The following PCBP3 variants were observed in gnomAD, a reference collection of about 807,000 sequenced individuals.
PCBP3 encodes the protein poly(rC)-binding protein 3.
In PCBP3, 25 loss-of-function variants were observed where a neutral mutation model predicts 52.7. The ratio of observed to expected loss-of-function variants is 0.47; its 90% CI spans 0.35 to 0.66. The LOEUF is 0.66. PCBP3 is among the 30% of genes least tolerant of loss of function. PCBP3 has a pLI of 0.01. For missense variants in PCBP3, 391 were observed against 490.3 expected (o/e 0.80, Z 1.91); for synonymous variants, 162 against 183.0 (o/e 0.89, Z 0.93).
chr21:45,907,417 G>A (rs568259176), intron 9 of PCBP3, among the ~76,000 whole-genome samples: 1 of 152,336 alleles, frequency 6.6e-6, no homozygotes, highest in East Asian at 1.9e-4. Flanking sequence ...TTACCTCGAA[G>A]GGTAGAGACA....
intron 4 of PCBP3, among the ~76,000 whole-genome samples, chr21:45,846,031 C>T (rs1304452592): frequency 2.0e-5 from 3 of 152,214 alleles, no homozygotes; most frequent in Non-Finnish European, 2.9e-5. Context: ...AGCATTTCCA[C>T]GTGGAGATTC....
chr21:45,776,189 T>C (rs1436473195), intron 4 of PCBP3, among the ~76,000 whole-genome samples: 3 of 152,348 alleles, frequency 2.0e-5, no homozygotes, highest in South Asian at 2.1e-4. Context: ...ATAGTTGATA[T>C]ATGATTTTTA....
intron 4 of PCBP3, among the ~76,000 whole-genome samples, chr21:45,831,756 G>T (rs555582251): frequency 2.6e-4 from 40 of 152,282 alleles, no homozygotes; most frequent in African/African-American, 9.1e-4. Flanking sequence ...TGTCGCCCAG[G>T]CTGGAGTGCA....
At chr21:45,887,887 G>A (rs2095558629) in intron 5 of PCBP3, among the ~76,000 whole-genome samples, 1 of 152,210 alleles carries the variant, frequency 6.6e-6, no homozygotes, top group South Asian at 2.1e-4. Context: ...TAGATGTCTA[G>A]TACCAGCCCA....
At chr21:45,785,520 G>C (rs1046131792) in intron 4 of PCBP3, among the ~76,000 whole-genome samples, 1 of 143,942 alleles carries the variant, frequency 6.9e-6, no homozygotes, top group African/African-American at 2.6e-5. Flanking sequence ...GGGGGGGTCA[G>C]CCCCCCGCCC....
intron 5 of PCBP3, among the ~76,000 whole-genome samples, chr21:45,891,391 T>TC (rs2095659601): frequency 1.3e-5 from 2 of 152,250 alleles, no homozygotes; most frequent in South Asian, 4.1e-4. Context: ...GGTGGTTTTT[T>TC]CCCACGGTGG....
rs527712693 is a variant in PCBP3 at position 45,928,402 on chromosome 21, G to A, written c.718-1515G>A. ...GGCAGGGCTGGGGAGCAGGCCCCCC[G>A]ATCCTCCCAGGGTACTAGGTACTGA... On this transcript the variant is annotated intron_variant, in intron 13 of 17. Transcript: ENST00000681687. This position sits in a 1 kb window ranked among gnomAD's most constrained non-coding sequence, Gnocchi z 4.1. Among the ~76,000 whole-genome samples, 187 of 152,276 alleles carry A rather than the reference G, an allele frequency of 1.2e-3. 1 individual carries two copies. The highest frequency in any genetic ancestry group is 4.0e-3 in the African/African-American group (165 of 41,568).
intron 2 of PCBP3, among the ~76,000 whole-genome samples, chr21:45,719,229 G>A (rs1467532307): frequency 6.6e-6 from 1 of 152,146 alleles, no homozygotes; most frequent in Non-Finnish European, 1.5e-5. Flanking sequence ...AGGCAGTTTG[G>A]GAAGGGGCTT....
intron 13 of PCBP3, among the ~76,000 whole-genome samples, chr21:45,922,612 C>T (rs2074603230): frequency 6.6e-6 from 1 of 152,204 alleles, no homozygotes; most frequent in Non-Finnish European, 1.5e-5. Context: ...TTCCAGCTCT[C>T]CTAATCACTC....
At chr21:45,875,640 G>A (rs368050920) in intron 5 of PCBP3, among the ~76,000 whole-genome samples, 99 of 152,272 alleles carry the variant, frequency 6.5e-4, no homozygotes, top group African/African-American at 2.2e-3. Context: ...CCAGGGTGAC[G>A]TCCCTCCCTG....
chr21:45,717,863 C>A lies in PCBP3; in HGVS notation c.-199-17529C>A, dbSNP rs538522686. On this transcript the variant is annotated intron_variant, in intron 2 of 17. Coordinates refer to ENST00000681687, the MANE Select transcript of PCBP3 (RefSeq NM_001384156.1). ...CCTCATAAAATGAGTTGGGAAGTAT[C>A]CTTTTCTTGTCTGTAATTTTGAAAG... Among the ~76,000 whole-genome samples the A allele has an allele frequency of 2.0e-5, 3 of 152,236 alleles. No homozygotes were observed. The South Asian group carries it at 6.2e-4, about 32-fold the overall frequency.
At chr21:45,658,234 C>G (rs1461538235) in intron 1 of PCBP3, among the ~76,000 whole-genome samples, 1 of 152,136 alleles carries the variant, frequency 6.6e-6, no homozygotes, top group African/African-American at 2.4e-5. Context: ...ACTTTGAATT[C>G]CCTAGATAAA....
In PCBP3 at chr21:45,646,082, TTTC is replaced by T. The variant is rs2079246989; in HGVS notation, c.-279+2216_-279+2218del. ...CTCTCTCTCTCTCTCTCTCTCTCTC[TTTC>T]TCTCTCTCTCTCTCTCTCTCTCTGT... On this transcript the variant is annotated intron_variant, in intron 1 of 17. Coordinates refer to ENST00000681687, the MANE Select transcript of PCBP3 (RefSeq NM_001384156.1). 1.5e-3 allele frequency among the ~76,000 whole-genome samples: 171 copies of T among 114,932 alleles called. 1 individual carries two copies. The highest frequency in any genetic ancestry group is 2.1e-3 in the Non-Finnish European group (121 of 56,852). 75.4% of individuals were successfully genotyped at this position (114,932 alleles called of 152,430 possible). A position where few individuals can be genotyped will look rare whatever the true frequency, so the allele number is the denominator to read the frequency against.
intron 1 of PCBP3, among the ~76,000 whole-genome samples, chr21:45,644,196 TGAGGCTTCAGTTTCAAA>T (rs1005502353): frequency 1.3e-5 from 2 of 151,546 alleles, no homozygotes; most frequent in Admixed American, 1.3e-4. Flanking sequence ...CTGGACTACT[TGAGGCTTCAGTTTCAAA>T]ACGGCACAAA....
At chr21:45,646,013 A>T (rs1207430404) in intron 1 of PCBP3, among the ~76,000 whole-genome samples, 1 of 148,576 alleles carries the variant, frequency 6.7e-6, no homozygotes, top group East Asian at 2.0e-4. Flanking sequence ...GCAAGGCGTC[A>T]TGGGCCCGCT....
chr21:45,941,713 C>T lies in PCBP3; in HGVS notation c.*7C>T. On this transcript the variant is annotated 3_prime_UTR_variant, in exon 18 of 18. Coordinates refer to ENST00000681687, the MANE Select transcript of PCBP3 (RefSeq NM_001384156.1). ...CGGGATGGGCACGCTGTAATCCTAC[C>T]CAGCACCCTTCCCCCGCGTCACCCA... The T allele has an allele frequency of 6.2e-7, 1 of 1,601,702 alleles. No individual in the cohort carries two copies. The highest frequency in any genetic ancestry group is 8.5e-7 in the Non-Finnish European group (1 of 1,173,912).
intron 4 of PCBP3, among the ~76,000 whole-genome samples, chr21:45,797,977 GTAC>G (rs1569236700): frequency 4.7e-5 from 1 of 21,236 alleles, no homozygotes; most frequent in Admixed American, 5.4e-4. Flanking sequence ...GAATGGATGT[GTAC>G]ATGGATGAAC....
chr21:45,762,486 C>CTTTTTT (rs1401689005), intron 4 of PCBP3: 20 of 95,256 alleles, frequency 2.1e-4, no homozygotes, highest in African/African-American at 6.6e-4. Context: ...CTTTTCTTTT[C>CTTTTTT]TTCTCTTTTT....
intron 5 of PCBP3, among the ~76,000 whole-genome samples, chr21:45,878,785 G>A (rs1041448382): frequency 2.6e-5 from 4 of 152,162 alleles, no homozygotes; most frequent in Non-Finnish European, 4.4e-5. Flanking sequence ...CTCGACGTCC[G>A]TACTCAGCAT....
Sources: gnomAD v4.1 joint callset for allele counts (sites outside exome capture counted in the v4.1 genomes callset) on GRCh38, gnomAD v4.1.1 for gene constraint, Gnocchi (gnomAD v3.1) non-coding constraint, MANE v1.5 for transcripts, NCBI Gene and HGNC (gene_info 2026-07-23, HGNC 2026-07-21) for gene names.